RANBP2: variants seen among roughly 807,000 people sequenced by gnomAD.
The protein encoded by RANBP2 is E3 SUMO-protein ligase RanBP2.
RANBP2 carries 57 observed loss-of-function variants against 303.6 expected under a neutral mutation model. That is an observed-to-expected ratio of 0.19 (90% CI 0.15 to 0.23). RANBP2 has a LOEUF of 0.23. RANBP2 is among the 10% of genes least tolerant of loss of function. RANBP2 has a pLI of 1.00. For synonymous variants in RANBP2, 1,167 were observed against 1,301.5 expected, an observed-to-expected ratio of 0.90 and a Z score of 2.23; for missense variants, 3,138 against 3,780.8, an observed-to-expected ratio of 0.83 and a Z score of 4.46.
the RANBP2 span, among the ~76,000 whole-genome samples, chr2:109,412,647 C>T: frequency 6.6e-6 from 1 of 152,142 alleles, no homozygotes; most frequent in Admixed American, 6.5e-5. Context: ...CATGGGGGAT[C>T]GAGAAAGATA....
At chr2:109,187,084 A>G in the RANBP2 span, among the ~76,000 whole-genome samples, 1 of 149,992 alleles carries the variant, frequency 6.7e-6, no homozygotes, top group East Asian at 2.1e-4. Flanking sequence ...ATATTTTGCT[A>G]GCATCATGAC....
the RANBP2 span, among the ~76,000 whole-genome samples, chr2:109,279,637 A>G: frequency 1.3e-5 from 2 of 152,196 alleles, no homozygotes; most frequent in African/African-American, 4.8e-5. Context: ...ACCTTTTCCC[A>G]GAAATGGTCT....
chr2:109,708,475 T>C, the RANBP2 span, among the ~76,000 whole-genome samples: 26 of 152,088 alleles, frequency 1.7e-4, no homozygotes, highest in Admixed American at 5.9e-4. Flanking sequence ...CCGGGCAACA[T>C]GGCGAAACCC....
At chr2:109,129,024 C>A in the RANBP2 span, 1 of 415,490 alleles carries the variant, frequency 2.4e-6, no homozygotes, top group Non-Finnish European at 4.8e-6. Context: ...CCTGCTGAAT[C>A]CTCTGGAGGA....
At chr2:109,329,534 C>G in the RANBP2 span, among the ~76,000 whole-genome samples, 3 of 152,334 alleles carry the variant, frequency 2.0e-5, no homozygotes, top group African/African-American at 7.2e-5. Context: ...CCCCATTCTC[C>G]CTTCCCTGCA....
chr2:109,315,062 C>T, the RANBP2 span, among the ~76,000 whole-genome samples: 277 of 152,366 alleles, frequency 1.8e-3, 1 homozygote, highest in African/African-American at 6.2e-3. Context: ...AGCCCATACA[C>T]GACACGTTTC....
intron 6 of RANBP2, among the ~76,000 whole-genome samples, chr2:108,739,324 A>ACC (rs1558885940): frequency 3.3e-5 from 5 of 152,232 alleles, no homozygotes. Context: ...AATCGCTTGA[A>ACC]CCTGGGAGTC....
chr2:109,736,547 C>G, the RANBP2 span, among the ~76,000 whole-genome samples: 11 of 152,140 alleles, frequency 7.2e-5, no homozygotes, highest in African/African-American at 1.7e-4. Flanking sequence ...TCCCCAAACC[C>G]CTTTATGGAG....
At chr2:109,177,086 A>G in the RANBP2 span, among the ~76,000 whole-genome samples, 1 of 152,192 alleles carries the variant, frequency 6.6e-6, no homozygotes, top group Non-Finnish European at 1.5e-5. Context: ...GTCTGAGACA[A>G]TAAGCTCTGT....
At chr2:109,107,934 C>T in the RANBP2 span, among the ~76,000 whole-genome samples, 26 of 149,268 alleles carry the variant, frequency 1.7e-4, no homozygotes, top group African/African-American at 6.2e-4. Context: ...GAGATGGAGT[C>T]TTGCTCTGTC....
rs997071131 is a variant in RANBP2, at chr2:108,766,735, G to A, written c.6196G>A (p.Glu2066Lys). The part of the protein sequence containing the change: ...GLGNLKILKN[E>K]VNGKLRMLMR... Reference sequence around the variant, plus strand: ...GGGGAACTTAAAAATTCTCAAAAACGAGGTCAATGGCAAACTAAGAATGCT... The same window carrying A: ...GGGGAACTTAAAAATTCTCAAAAACAAGGTCAATGGCAAACTAAGAATGCT... Residue 2066 changes from glutamate (E) to lysine (K), a missense_variant, in exon 20 of 29, where the codon GAG becomes AAG. Physicochemically the swap from Glu to Lys is moderately conservative, Grantham distance 56. This residue lies in a region of RANBP2 where 103 missense variants were observed against 214.3 expected (regional missense o/e 0.48). Transcript: ENST00000283195. 3.1e-6 allele frequency: 5 copies of A among 1,611,852 alleles called. No individual in the cohort carries two copies. The highest frequency in any genetic ancestry group is 2.2e-5 in the South Asian group (2 of 90,996).
the RANBP2 span, among the ~76,000 whole-genome samples, chr2:108,948,725 G>C: frequency 6.6e-6 from 1 of 152,162 alleles, no homozygotes; most frequent in African/African-American, 2.4e-5. Flanking sequence ...CTGCTCCCAT[G>C]ATCCAACCAC....
chr2:109,135,314 C>T, the RANBP2 span, among the ~76,000 whole-genome samples: 1 of 152,194 alleles, frequency 6.6e-6, no homozygotes, highest in African/African-American at 2.4e-5. Flanking sequence ...TCCCCCAGGA[C>T]ACGTGGAAGG....
the RANBP2 span, among the ~76,000 whole-genome samples, chr2:108,962,672 C>G: frequency 1.7e-5 from 1 of 59,530 alleles, no homozygotes; most frequent in Non-Finnish European, 3.4e-5. Flanking sequence ...GAGACTCTGT[C>G]TCAAAAAAAA....
chr2:109,346,253 T>C, the RANBP2 span, among the ~76,000 whole-genome samples: 5 of 152,246 alleles, frequency 3.3e-5, no homozygotes, highest in Non-Finnish European at 4.4e-5. Context: ...TAGTGGTGGC[T>C]GTTTGTCAAT....
At chr2:109,103,032 A>G in the RANBP2 span, among the ~76,000 whole-genome samples, 1 of 152,192 alleles carries the variant, frequency 6.6e-6, no homozygotes, top group Non-Finnish European at 1.5e-5. Context: ...GAGCTGCATA[A>G]CTAAAGAAGA....
chr2:108,873,570 C>T, the RANBP2 span: 3 of 1,603,148 alleles, frequency 1.9e-6, no homozygotes, highest in Non-Finnish European at 2.6e-6. Flanking sequence ...TATTATTTTA[C>T]AGAAACTTTC....
At chr2:108,875,520 C>A in the RANBP2 span, among the ~76,000 whole-genome samples, 4 of 151,950 alleles carry the variant, frequency 2.6e-5, no homozygotes, top group East Asian at 1.9e-4. Flanking sequence ...AAAAAAAATT[C>A]TCACGCTCTC....
chr2:108,890,955 C>T, the RANBP2 span, among the ~76,000 whole-genome samples: 2 of 152,010 alleles, frequency 1.3e-5, no homozygotes, highest in Non-Finnish European at 2.9e-5. Context: ...ATTTTTGAAG[C>T]TTTCAAATGT....
Sources: gnomAD v4.1 joint callset for allele counts (sites outside exome capture counted in the v4.1 genomes callset) on GRCh38, gnomAD v4.1.1 for gene constraint, gnomAD v4.1.1 regional missense constraint, MANE v1.5 for transcripts, NCBI Gene and HGNC (gene_info 2026-07-23, HGNC 2026-07-21) for gene names.